Variants in SETX observed in about 807,000 individuals in gnomAD.
The protein encoded by SETX is helicase senataxin.
A neutral mutation model predicts 227.2 loss-of-function variants in SETX; 90 were observed. That is an observed-to-expected ratio of 0.40 (90% CI 0.33 to 0.47). The LOEUF (loss-of-function observed/expected upper bound fraction) is 0.47, where lower values mean the gene tolerates loss of function less well. SETX is among the 20% of genes least tolerant of loss of function. SETX has a pLI of 0.91. For missense variants in SETX, 3,052 were observed against 3,181.5 expected, an observed-to-expected ratio of 0.96 and a Z score of 0.98; for synonymous variants, 1,210 against 1,113.2, an observed-to-expected ratio of 1.09 and a Z score of -1.73.
At chr9:132,296,517 C>T (rs1205329347) in intron 14 of SETX, among the ~76,000 whole-genome samples, 2 of 151,804 alleles carry the variant, frequency 1.3e-5, no homozygotes, top group South Asian at 2.1e-4. Context: ...GAGTCAAGAT[C>T]GTGCCACTGT....
intron 17 of SETX, among the ~76,000 whole-genome samples, chr9:132,287,659 T>C (rs1843992174): frequency 6.6e-6 from 1 of 151,432 alleles, no homozygotes; most frequent in African/African-American, 2.4e-5. Context: ...AAGCCTAAAA[T>C]CTTTACTAGA....
intron 5 of SETX, among the ~76,000 whole-genome samples, chr9:132,338,529 A>G (rs1359643399): frequency 1.3e-5 from 2 of 152,230 alleles, no homozygotes; most frequent in African/African-American, 4.8e-5. Context: ...TTTACCAGCA[A>G]TAACTAGAGG....
At chr9:132,291,785 T>C (rs1844328701) in intron 15 of SETX, among the ~76,000 whole-genome samples, 1 of 152,114 alleles carries the variant, frequency 6.6e-6, no homozygotes, top group South Asian at 2.1e-4. Context: ...TGAACAGACT[T>C]TAAAATTCTA....
At chr9:132,335,187 G>A (rs371927985) in intron 6 of SETX, among the ~76,000 whole-genome samples, 22 of 151,608 alleles carry the variant, frequency 1.5e-4, no homozygotes, top group Middle Eastern at 3.4e-3. Flanking sequence ...TCAGGAGATC[G>A]AGACCATCCT....
rs528369958 is a variant in SETX, at chr9:132,335,199, G to A, written c.719-472C>T. On this transcript the variant is annotated intron_variant, in intron 6 of 25. Transcript: ENST00000224140. ...AAGTCAGGAGATCGAGACCATCCTG[G>A]CTAACATGGTGAAACCCCGTCTCTA... is the stretch of plus-strand genomic sequence containing the variant. 3.3e-5 allele frequency among the ~76,000 whole-genome samples: 5 copies of A among 151,730 alleles called. No homozygotes were observed. The South Asian group carries it at 6.3e-4, about 19-fold the overall frequency.
chr9:132,263,560 A>AAT lies in SETX; in HGVS notation c.*677_*678dup, dbSNP rs1239390828. The AAT allele has an allele frequency of 6.6e-6, 1 of 152,244 alleles. No homozygotes were observed. The highest frequency in any genetic ancestry group is 2.4e-5 in the African/African-American group (1 of 41,434). 9.4% of individuals were successfully genotyped at this position (152,244 alleles called of 1,614,324 possible). A position where few individuals can be genotyped will look rare whatever the true frequency, so the allele number is the denominator to read the frequency against. On this transcript the variant is annotated 3_prime_UTR_variant, in exon 26 of 26. Transcript: ENST00000224140. ...AACAGGTAAATGAACTCATCACAGA[A>AAT]ATATAATACCCTGGGCCAATGCACT...
Position 132,349,233 on chromosome 9 carries a change from C to T in SETX, c.177+19G>A. 1 of 1,611,016 alleles carries T rather than the reference C, an allele frequency of 6.2e-7. No individual in the cohort carries two copies. On this transcript the variant is annotated intron_variant, in intron 3 of 25. Transcript: ENST00000224140. Reference sequence around the variant, plus strand: ...AGCTATCAAGCTCTGAAAAATATTGCCCATCTAATATATTTTACCTCATGC... The same window carrying T: ...AGCTATCAAGCTCTGAAAAATATTGTCCATCTAATATATTTTACCTCATGC...
chr9:132,277,815 A>ACTG (rs10615907), intron 21 of SETX, among the ~76,000 whole-genome samples: 1 of 142,052 alleles, frequency 7.0e-6, no homozygotes, highest in Non-Finnish European at 1.5e-5. Context: ...AAAAAAAAGG[A>ACTG]CTGCTGAAAG....
intron 17 of SETX, among the ~76,000 whole-genome samples, chr9:132,287,331 C>CA (rs1004138403): frequency 4.6e-5 from 7 of 151,858 alleles, no homozygotes; most frequent in African/African-American, 1.7e-4. Context: ...AGAAAACAAA[C>CA]AAAAAAATTA....
rs1847101837 is a variant in SETX at position 132,329,742 on chromosome 9, T to C, written c.1856A>G (p.Tyr619Cys). Residue 619 changes from tyrosine to cysteine, a missense_variant, in exon 10 of 26, where the codon TAT becomes TGT. Transcript: ENST00000224140. ...CATTTGTTCACTTTCTTCTTTATTA[T>C]AAGATGCAGGAGAGATTTTACATGC... ...TSACKISPAS[Y>C]NKEESEQMGK... 1.9e-6 allele frequency: 3 copies of C among 1,614,128 alleles called. No homozygotes were observed. Among genetic ancestry groups the C allele is most frequent in the East Asian group, 2.2e-5 (1 of 44,880 alleles).
chr9:132,343,292 C>T (rs925351639), intron 4 of SETX, among the ~76,000 whole-genome samples: 2 of 152,098 alleles, frequency 1.3e-5, no homozygotes, highest in African/African-American at 4.8e-5. Context: ...ACACTCCAGC[C>T]TAGGCAACAA....
In SETX at chr9:132,327,788, C is replaced by G; in HGVS notation, c.3810G>C (p.Pro1270=). Residue 1270 remains proline, a synonymous_variant, in exon 10 of 26, where the codon CCG becomes CCC. Coordinates refer to ENST00000224140, the MANE Select transcript of SETX (RefSeq NM_015046.7). ...LSCRTTPAIV[P]PKKFRQCPEP... ...CAGGACACTGACGAAATTTCTTTGG[C>G]GGCACTATAGCAGGAGTTGTTCTAC... is the stretch of plus-strand genomic sequence containing the variant. 6.2e-7 allele frequency: 1 copy of G among 1,614,120 alleles called. No homozygotes were observed. Among genetic ancestry groups the G allele is most frequent in the East Asian group, 2.2e-5 (1 of 44,880 alleles).
rs574486570 is a variant in SETX, at chr9:132,277,925, G to A, written c.6842+145C>T. 5.2e-6 allele frequency: 4 copies of A among 765,190 alleles called. No individual in the cohort carries two copies. The African/African-American group carries it at 7.0e-5, about 13-fold the overall frequency. 47.4% of individuals were successfully genotyped at this position (765,190 alleles called of 1,614,324 possible). A position where few individuals can be genotyped will look rare whatever the true frequency, so the allele number is the denominator to read the frequency against. ...TTATGTGCTTTGCTGTATTCAACAT[G>A]ATGGCTATTATAACAGGACAAAATT... On this transcript the variant is annotated intron_variant, in intron 21 of 25. Coordinates refer to ENST00000224140, the MANE Select transcript of SETX (RefSeq NM_015046.7).
chr9:132,304,784 G>A (rs1410687516), intron 11 of SETX, among the ~76,000 whole-genome samples: 1 of 151,688 alleles, frequency 6.6e-6, no homozygotes, highest in Non-Finnish European at 1.5e-5. Context: ...GATAACCTGA[G>A]GTCAGGAGTT....
intron 22 of SETX, among the ~76,000 whole-genome samples, chr9:132,275,747 G>C (rs540585412): frequency 6.6e-6 from 1 of 152,220 alleles, no homozygotes; most frequent in African/African-American, 2.4e-5. Flanking sequence ...GCAGTATTAA[G>C]AACAGCAGTA....
intron 15 of SETX, 104 bp downstream of exon 15, chr9:132,295,768 G>A (rs910668025): frequency 2.0e-6 from 2 of 1,016,808 alleles, no homozygotes; most frequent in African/African-American, 3.2e-5. Flanking sequence ...GATTCAAGTA[G>A]AAGCTATTAC....
Position 132,300,694 on chromosome 9 carries a change from A to G in SETX, c.5484T>C (p.Asn1828=). The part of the protein sequence containing the change: ...INEEKKDTER[N]DIQDLHEYHS... ...GATATTCGTGGAGATCTTGTATGTCATTTCTCTCTGTATCTTTCTTCTCTT... is the reference window on the plus strand; with the variant it reads ...GATATTCGTGGAGATCTTGTATGTCGTTTCTCTCTGTATCTTTCTTCTCTT... Residue 1828 remains asparagine, a synonymous_variant, in exon 12 of 26, where the codon AAT becomes AAC. Coordinates refer to ENST00000224140, the MANE Select transcript of SETX (RefSeq NM_015046.7). The G allele has an allele frequency of 2.5e-6, 4 of 1,613,534 alleles. No homozygotes were observed. Among genetic ancestry groups the G allele is most frequent in the Non-Finnish European group, 3.4e-6 (4 of 1,179,834 alleles).
At position 132,283,274 on chromosome 9, in the gene SETX, A is replaced by C. The variant is rs1366270093; in HGVS notation, c.6536T>G (p.Ile2179Ser). 1 of 1,614,200 alleles carries C rather than the reference A, an allele frequency of 6.2e-7. No individual in the cohort carries two copies. The highest frequency in any genetic ancestry group is 8.5e-7 in the Non-Finnish European group (1 of 1,180,032). ...TGACCGTTCACTGACCTCATCAACAATGACACAGCTGAAGGGGACACCCCC... is the reference window on the plus strand; with the variant it reads ...TGACCGTTCACTGACCTCATCAACACTGACACAGCTGAAGGGGACACCCCC... Reference protein sequence around the residue: ...GQGGVPFSCVIVDEAGQSCEI... With the variant: ...GQGGVPFSCVSVDEAGQSCEI... The change falls in exon 19 of 26, where the codon ATT (isoleucine) becomes AGT (serine). Residue 2179 changes from isoleucine to serine, a missense_variant. Around this residue, in one of 10 missense-constraint regions of SETX, gnomAD observed 412 missense variants for 589.0 expected, o/e 0.70. Coordinates refer to ENST00000224140, the MANE Select transcript of SETX (RefSeq NM_015046.7).
intron 5 of SETX, among the ~76,000 whole-genome samples, chr9:132,338,640 T>C (rs1324531048): frequency 6.6e-6 from 1 of 152,238 alleles, no homozygotes; most frequent in Non-Finnish European, 1.5e-5. Flanking sequence ...GATCATTAAA[T>C]AGAAAACATT....
Sources: gnomAD v4.1 joint callset for allele counts (sites outside exome capture counted in the v4.1 genomes callset) on GRCh38, gnomAD v4.1.1 for gene constraint, gnomAD v4.1.1 regional missense constraint, MANE v1.5 for transcripts, NCBI Gene and HGNC (gene_info 2026-07-23, HGNC 2026-07-21) for gene names.